Variants in SPACA7 observed in about 807,000 individuals in gnomAD.
SPACA7 encodes the protein sperm acrosome-associated protein 7.
In SPACA7, 19 loss-of-function variants were observed where a neutral mutation model predicts 26.3. That is an observed-to-expected ratio of 0.72 (90% CI 0.50 to 1.06). The LOEUF (loss-of-function observed/expected upper bound fraction) is 1.06, where lower values mean the gene tolerates loss of function less well. SPACA7 is among the 50% of genes least tolerant of loss of function. The pLI is 0.00. For synonymous variants in SPACA7, 84 were observed against 84.5 expected (o/e 0.99, Z 0.04); for missense variants, 211 against 229.9 (o/e 0.92, Z 0.53).
At chr13:112,404,978 C>CTTTTTTTTTTTT (rs373253878) in intron 5 of SPACA7, among the ~76,000 whole-genome samples, 1 of 94,264 alleles carries the variant, frequency 1.1e-5, no homozygotes, top group East Asian at 3.7e-4. Flanking sequence ...GTATTCTCTT[C>CTTTTTTTTTTTT]TTTTTTTTTT....
chr13:112,376,553 G>A, intron 1 of SPACA7, 74 bp downstream of exon 1: 4 of 1,496,444 alleles, frequency 2.7e-6, no homozygotes, highest in East Asian at 2.5e-5. Context: ...TTCTCCCATG[G>A]GTTCCTCTTA....
intron 1 of SPACA7, among the ~76,000 whole-genome samples, chr13:112,383,026 A>AAGAGAGAGAGAGAGAGAAAGAGAG (rs1555324355): frequency 1.1e-5 from 1 of 95,220 alleles, no homozygotes; most frequent in Non-Finnish European, 2.5e-5. Context: ...GAAAGAAAGA[A>AAGAGAGAGAGAGAGAGAAAGAGAG]AGAGAGAGAG....
chr13:112,400,098 G>A (rs764550949), intron 4 of SPACA7, among the ~76,000 whole-genome samples: 4 of 152,204 alleles, frequency 2.6e-5, no homozygotes, highest in South Asian at 2.1e-4. Context: ...CCATATCACT[G>A]GGACACACAT....
chr13:112,412,186 A>C (rs781204806), intron 5 of SPACA7, among the ~76,000 whole-genome samples: 18 of 151,932 alleles, frequency 1.2e-4, no homozygotes, highest in Non-Finnish European at 2.4e-4. Context: ...TTTGATTTGC[A>C]TTTCCCTGGT....
At chr13:112,432,070 AG>A (rs1293779048) in intron 5 of SPACA7, among the ~76,000 whole-genome samples, 1 of 152,230 alleles carries the variant, frequency 6.6e-6, no homozygotes, top group African/African-American at 2.4e-5. Context: ...AGTGACCATG[AG>A]TGTCAGATCC....
intron 5 of SPACA7, among the ~76,000 whole-genome samples, chr13:112,405,201 T>C (rs76250456): frequency 0.033 from 5,036 of 152,010 alleles, 94 homozygotes; most frequent in Middle Eastern, 0.068. Flanking sequence ...CCAGGATGTA[T>C]TTTCTTCTTT....
chr13:112,401,097 C>G lies in SPACA7; in HGVS notation c.378C>G (p.Gly126=), dbSNP rs140194752. ...CCAATGCTAATGCAAATCTCCATGG[C>G]GATCCTTCTGAGAATTATCGTGGGC... ...DEANANANLH[G]DPSENYRGPQ... Residue 126 remains glycine (G), a synonymous_variant, in exon 5 of 7, where the codon GGC becomes GGG. Coordinates refer to ENST00000283550, the MANE Select transcript of SPACA7 (RefSeq NM_145248.5). The G allele has an allele frequency of 1.2e-6, 2 of 1,614,104 alleles. No homozygotes were observed. The highest frequency in any genetic ancestry group is 4.5e-5 in the East Asian group (2 of 44,882).
chr13:112,423,388 A>G (rs77738828), intron 5 of SPACA7, among the ~76,000 whole-genome samples: 1,883 of 152,360 alleles, frequency 0.012, 31 homozygotes, highest in African/African-American at 0.044. Flanking sequence ...TTGAGAACAG[A>G]AAATATCAAG....
chr13:112,417,974 T>A (rs1886797864), intron 5 of SPACA7, among the ~76,000 whole-genome samples: 1 of 152,212 alleles, frequency 6.6e-6, no homozygotes, highest in African/African-American at 2.4e-5. Flanking sequence ...GTAATCTTAT[T>A]TTTCTTTCCT....
chr13:112,402,939 T>C (rs965993765), intron 5 of SPACA7, among the ~76,000 whole-genome samples: 1 of 152,158 alleles, frequency 6.6e-6, no homozygotes, highest in African/African-American at 2.4e-5. Flanking sequence ...CAAATGACTC[T>C]AGTCTATGGT....
intron 1 of SPACA7, chr13:112,382,334 A>T: frequency 1.5e-6 from 2 of 1,308,174 alleles, no homozygotes; most frequent in Non-Finnish European, 2.1e-6. Flanking sequence ...TCTTGACCTC[A>T]TGGTCCGCCC....
chr13:112,433,521 T>G lies in SPACA7; in HGVS notation c.524-964T>G, dbSNP rs1877402113. Among the ~76,000 whole-genome samples, 11 of 151,646 alleles carry G rather than the reference T, an allele frequency of 7.3e-5. No homozygotes were observed. In the South Asian group the frequency reaches 2.1e-3, roughly 29 times the overall value. On this transcript the variant is annotated intron_variant, in intron 6 of 6. Coordinates refer to ENST00000283550, the MANE Select transcript of SPACA7 (RefSeq NM_145248.5). ...GGGGTTCTGACTTTTCCATCCAGCC[T>G]GTTGGCTGCTGCTCCCAGCCCCTCA...
intron 5 of SPACA7, among the ~76,000 whole-genome samples, chr13:112,424,179 G>T (rs936581040): frequency 3.9e-5 from 6 of 152,232 alleles, no homozygotes; most frequent in Non-Finnish European, 7.3e-5. Context: ...GGCACCGCAT[G>T]TGACCAGCAC....
intron 5 of SPACA7, among the ~76,000 whole-genome samples, chr13:112,428,197 C>G (rs1876727267): frequency 6.6e-6 from 1 of 152,058 alleles, no homozygotes; most frequent in Admixed American, 6.6e-5. Flanking sequence ...CCATAAATTC[C>G]AATATGTTGT....
chr13:112,382,343 C>A, intron 1 of SPACA7: 1 of 1,393,910 alleles, frequency 7.2e-7, no homozygotes, highest in Non-Finnish European at 9.6e-7. Flanking sequence ...CATGGTCCGC[C>A]CGCCTCAGCC....
intron 5 of SPACA7, among the ~76,000 whole-genome samples, chr13:112,401,946 G>T (rs1030584918): frequency 1.3e-5 from 2 of 152,180 alleles, no homozygotes; most frequent in Admixed American, 6.5e-5. Flanking sequence ...CTACTAAGGG[G>T]CCAGCACCAC....
chr13:112,415,934 G>C (rs1056666939), intron 5 of SPACA7, among the ~76,000 whole-genome samples: 1 of 152,002 alleles, frequency 6.6e-6, no homozygotes, highest in African/African-American at 2.4e-5. Context: ...AATTCTGCCA[G>C]GTGCTGTGTT....
At chr13:112,399,282 G>C in intron 4 of SPACA7, 109 bp downstream of exon 4, 1 of 712,928 alleles carries the variant, frequency 1.4e-6, no homozygotes, top group Non-Finnish European at 2.5e-6. Context: ...TAAACCCTTG[G>C]TGGGAGAATG....
At chr13:112,394,189 G>A (rs1363495475) in intron 2 of SPACA7, among the ~76,000 whole-genome samples, 1 of 152,168 alleles carries the variant, frequency 6.6e-6, no homozygotes, top group Non-Finnish European at 1.5e-5. Flanking sequence ...CGCTTAGCCA[G>A]TGCCTGCACT....
Sources: allele counts gnomAD v4.1 joint callset (sites outside exome capture counted in the v4.1 genomes callset), GRCh38; gene constraint gnomAD v4.1.1; transcripts MANE v1.5; gene names NCBI Gene and HGNC (gene_info 2026-07-23, HGNC 2026-07-21).